The following ABCA12 variants were observed in gnomAD, a reference collection of about 807,000 sequenced individuals.
ABCA12 encodes ATP binding cassette subfamily A member 12, also known as glucosylceramide transporter ABCA12.
In ABCA12, 156 loss-of-function variants were observed where a neutral mutation model predicts 293.5. The observed-to-expected ratio is 0.53, with a 90% CI of 0.47 to 0.61. ABCA12 has a LOEUF of 0.61. Among genes scored for constraint, ABCA12 ranks in the 20% least tolerant of loss-of-function variants. The pLI is 0.00. For synonymous variants in ABCA12, 1,063 were observed against 1,108.0 expected (o/e 0.96, Z 0.81); for missense variants, 2,797 against 3,090.2 (o/e 0.91, Z 2.25).
At chr2:215,008,954 C>T (rs1248203088) in intron 18 of ABCA12, among the ~76,000 whole-genome samples, 1 of 152,150 alleles carries the variant, frequency 6.6e-6, no homozygotes, top group Non-Finnish European at 1.5e-5. Flanking sequence ...TACCATTCGA[C>T]TCAGCAATCC....
rs765117594 is a variant in ABCA12 at position 214,947,440 on chromosome 2, T to C, written c.7221A>G (p.Lys2407=). 1.9e-6 allele frequency: 3 copies of C among 1,613,954 alleles called. No homozygotes were observed. The highest frequency in any genetic ancestry group is 2.5e-6 in the Non-Finnish European group (3 of 1,179,844). Residue 2407 remains lysine (K), a synonymous_variant, in exon 48 of 53, where the codon AAA becomes AAG. Transcript: ENST00000272895. ...CTCTTACCAGCAGTAGAATGGAAGGTTTCCCTATCAAGGCCAGTGCAGTGG... is the reference window on the plus strand; with the variant it reads ...CTCTTACCAGCAGTAGAATGGAAGGCTTCCCTATCAAGGCCAGTGCAGTGG... The part of the protein sequence containing the change: ...KLSTALALIG[K]PSILLLDEPS...
At chr2:215,120,828 A>G (rs1006656513) in intron 1 of ABCA12, among the ~76,000 whole-genome samples, 1 of 152,162 alleles carries the variant, frequency 6.6e-6, no homozygotes, top group Non-Finnish European at 1.5e-5. Flanking sequence ...CTATTTGTCT[A>G]AGTTTGGCCA....
rs753223951 is a variant in ABCA12 at position 214,983,643 on chromosome 2, T to C, written c.4382+4A>G. The C allele has an allele frequency of 6.8e-6, 11 of 1,613,762 alleles. No homozygotes were observed. The Middle Eastern group carries it at 6.6e-4, about 97-fold the overall frequency. ...CTTAGGTTCTCATTCCTGTCTTAAC[T>C]TGCCTTTTTACTTCCTCGTGGAGCT... is the stretch of plus-strand genomic sequence containing the variant. On this transcript the variant is annotated splice_donor_region_variant and intron_variant, in intron 29 of 52. Coordinates refer to ENST00000272895, the MANE Select transcript of ABCA12 (RefSeq NM_173076.3).
At chr2:215,035,259 C>A (rs73072634) in intron 8 of ABCA12, among the ~76,000 whole-genome samples, 3,735 of 152,270 alleles carry the variant, frequency 0.025, 162 homozygotes, top group African/African-American at 0.085. Flanking sequence ...GCTTGATGAA[C>A]TCACAGTGCA....
intron 31 of ABCA12, 120 bp downstream of exon 31, chr2:214,980,363 G>T: frequency 7.4e-7 from 1 of 1,354,876 alleles, no homozygotes; most frequent in Non-Finnish European, 1.0e-6. Context: ...AATATGAGAA[G>T]CAGTAAGCTA....
chr2:214,985,670 T>C (rs1253394347), intron 28 of ABCA12, among the ~76,000 whole-genome samples: 10 of 152,172 alleles, frequency 6.6e-5, no homozygotes, highest in African/African-American at 2.4e-4. Context: ...TTTCATGACC[T>C]CGTTTGTCCC....
intron 15 of ABCA12, chr2:215,013,186 C>G (rs12472673): frequency 0.74 from 112,991 of 152,034 alleles, 46,517 homozygotes; most frequent in East Asian, 0.95. Context: ...ATCAAACAAG[C>G]CAATGAACCA....
At chr2:215,044,706 T>G (rs1451580619) in intron 7 of ABCA12, among the ~76,000 whole-genome samples, 1 of 152,180 alleles carries the variant, frequency 6.6e-6, no homozygotes, top group Non-Finnish European at 1.5e-5. Context: ...GGGGAAGCCA[T>G]TTGACCTCCA....
chr2:215,135,438 T>C (rs1703204793), intron 1 of ABCA12, among the ~76,000 whole-genome samples: 1 of 152,216 alleles, frequency 6.6e-6, no homozygotes, highest in African/African-American at 2.4e-5. Flanking sequence ...TGATGGAATT[T>C]CTAAAAAATA....
At chr2:215,115,040 G>A in intron 1 of ABCA12, among the ~76,000 whole-genome samples, 1 of 151,998 alleles carries the variant, frequency 6.6e-6, no homozygotes, top group East Asian at 1.9e-4. Context: ...AGGATGTTTT[G>A]GTGAGTTTTA....
At chr2:214,934,646 A>G (rs893048984) in intron 51 of ABCA12, among the ~76,000 whole-genome samples, 2 of 152,194 alleles carry the variant, frequency 1.3e-5, no homozygotes, top group Non-Finnish European at 2.9e-5. Context: ...TAAAGACAGT[A>G]GACTTCAAAA....
At chr2:214,937,937 C>T (rs535497752) in intron 50 of ABCA12, among the ~76,000 whole-genome samples, 3 of 152,088 alleles carry the variant, frequency 2.0e-5, no homozygotes, top group East Asian at 1.9e-4. Context: ...CAGTTAAATA[C>T]TTCCCTTTTT....
intron 1 of ABCA12, among the ~76,000 whole-genome samples, chr2:215,128,022 T>G (rs1265215430): frequency 1.3e-5 from 2 of 152,220 alleles, no homozygotes; most frequent in African/African-American, 4.8e-5. Flanking sequence ...AGCATTTGTC[T>G]GAAAAAGACT....
chr2:215,112,508 T>TTTG (rs1553547011), intron 1 of ABCA12, among the ~76,000 whole-genome samples: 21 of 131,610 alleles, frequency 1.6e-4, no homozygotes, highest in South Asian at 5.0e-4. Flanking sequence ...TTTTTTTTTG[T>TTTG]TTTTTTTTGA....
intron 8 of ABCA12, chr2:215,032,165 CTA>C: frequency 8.0e-7 from 1 of 1,254,450 alleles, no homozygotes; most frequent in East Asian, 3.5e-5. Flanking sequence ...CATCAAGCCA[CTA>C]CATTATTTTA....
intron 50 of ABCA12, among the ~76,000 whole-genome samples, chr2:214,939,507 A>G (rs1032719022): frequency 4.6e-5 from 7 of 152,200 alleles, no homozygotes; most frequent in Admixed American, 4.6e-4. Flanking sequence ...GAAGAAAGAC[A>G]ATGGTAGCTT....
At chr2:214,944,893 A>T in intron 49 of ABCA12, 108 bp downstream of exon 49, 1 of 783,428 alleles carries the variant, frequency 1.3e-6, no homozygotes, top group Non-Finnish European at 2.2e-6. Context: ...ATATACACAC[A>T]CATATATATG....
chr2:215,001,925 G>C (rs1574974876), intron 20 of ABCA12, among the ~76,000 whole-genome samples, 188 bp from the exon 21 acceptor site: 1 of 152,116 alleles, frequency 6.6e-6, no homozygotes, highest in Non-Finnish European at 1.5e-5. Context: ...ATTCATTGAG[G>C]AGCCAAGCTA....
chr2:214,940,551 C>T (rs1698364120), intron 50 of ABCA12, among the ~76,000 whole-genome samples: 1 of 152,170 alleles, frequency 6.6e-6, no homozygotes, highest in Non-Finnish European at 1.5e-5. Context: ...ACCAGCTCCT[C>T]TTTGTACCTC....
Sources: allele counts gnomAD v4.1 joint callset (sites outside exome capture counted in the v4.1 genomes callset), GRCh38; gene constraint gnomAD v4.1.1; transcripts MANE v1.5; gene names NCBI Gene and HGNC (gene_info 2026-07-23, HGNC 2026-07-21).